The following GSTCD variants were observed in gnomAD, a reference collection of about 807,000 sequenced individuals.
The protein encoded by GSTCD is glutathione S-transferase C-terminal domain containing, also known as glutathione S-transferase C-terminal domain-containing protein.
Under a neutral mutation model 68.3 loss-of-function variants are expected in GSTCD, and 44 were observed. The ratio of observed to expected loss-of-function variants is 0.64; its 90% CI spans 0.51 to 0.83. GSTCD has a LOEUF of 0.83. Among genes scored for constraint, GSTCD ranks in the 40% least tolerant of loss-of-function variants. The pLI is 0.00. For synonymous variants in GSTCD, 273 were observed against 255.2 expected, an observed-to-expected ratio of 1.07 and a Z score of -0.67; for missense variants, 739 against 735.9, an observed-to-expected ratio of 1.00 and a Z score of -0.05.
chr4:105,788,158 T>C (rs969362828), intron 5 of GSTCD, among the ~76,000 whole-genome samples: 2 of 152,088 alleles, frequency 1.3e-5, no homozygotes, highest in Non-Finnish European at 2.9e-5. Flanking sequence ...ATTTTCCCTG[T>C]GGTTTCATAA....
intron 5 of GSTCD, among the ~76,000 whole-genome samples, chr4:105,783,720 A>G (rs1200128398): frequency 6.6e-6 from 1 of 152,196 alleles, no homozygotes; most frequent in Admixed American, 6.6e-5. Context: ...CAATGTTACT[A>G]TCTCCATAGC....
chr4:105,753,648 T>A (rs1024340155), intron 5 of GSTCD, among the ~76,000 whole-genome samples: 3 of 151,994 alleles, frequency 2.0e-5, no homozygotes, highest in Admixed American at 2.0e-4. Context: ...TATTATGCCA[T>A]TTGTATCAGG....
intron 8 of GSTCD, among the ~76,000 whole-genome samples, chr4:105,832,291 G>T (rs1440093950): frequency 6.6e-6 from 1 of 151,664 alleles, no homozygotes; most frequent in Non-Finnish European, 1.5e-5. Flanking sequence ...TTATTTGCCT[G>T]TTATTTCTGA....
chr4:105,757,080 G>A (rs1464843663), intron 5 of GSTCD, among the ~76,000 whole-genome samples: 2 of 152,102 alleles, frequency 1.3e-5, no homozygotes, highest in African/African-American at 4.8e-5. Context: ...AAATGTTTTG[G>A]AAGAGTAGTT....
At chr4:105,832,725 C>A (rs1000498871) in intron 8 of GSTCD, among the ~76,000 whole-genome samples, 1 of 152,170 alleles carries the variant, frequency 6.6e-6, no homozygotes, top group Non-Finnish European at 1.5e-5. Context: ...GTTCTGAGTG[C>A]CATCACCCAG....
At chr4:105,725,815 A>C (rs1733011324) in intron 3 of GSTCD, among the ~76,000 whole-genome samples, 1 of 152,136 alleles carries the variant, frequency 6.6e-6, no homozygotes, top group Non-Finnish European at 1.5e-5. Flanking sequence ...AGGGAAATGC[A>C]AATTAAAATT....
intron 5 of GSTCD, among the ~76,000 whole-genome samples, chr4:105,786,475 A>G (rs1430940606): frequency 6.6e-6 from 1 of 151,570 alleles, no homozygotes; most frequent in Admixed American, 6.6e-5. Context: ...ACTGCGCGCC[A>G]CTGCACTCTG....
At chr4:105,813,247 G>A (rs1722826404) in intron 5 of GSTCD, among the ~76,000 whole-genome samples, 1 of 152,104 alleles carries the variant, frequency 6.6e-6, no homozygotes, top group Non-Finnish European at 1.5e-5. Flanking sequence ...ATTCAGTAGT[G>A]CTAATACCAG....
In GSTCD at chr4:105,754,885, A is replaced by C. The variant is rs111310528; in HGVS notation, c.1240+25386A>C. ...TCAGCAAAACAAGAAAAGGAGAGAA[A>C]ACTTAGCTGTAAAAGGCAATATTAC... On this transcript the variant is annotated intron_variant, in intron 5 of 11. Transcript: ENST00000515279. Among the ~76,000 whole-genome samples, 111 of 151,888 alleles carry C rather than the reference A, an allele frequency of 7.3e-4. No homozygotes were observed. The Middle Eastern group carries it at 0.024, about 33-fold the overall frequency.
chr4:105,834,703 TC>T, intron 9 of GSTCD, 109 bp downstream of exon 9: 2 of 833,700 alleles, frequency 2.4e-6, no homozygotes, highest in Non-Finnish European at 3.7e-6. Context: ...ATTTCTTCTT[TC>T]CACAATGCCA....
chr4:105,813,535 T>C (rs1217529293), intron 5 of GSTCD, among the ~76,000 whole-genome samples: 2 of 152,180 alleles, frequency 1.3e-5, no homozygotes, highest in African/African-American at 2.4e-5. Context: ...CCCCAAGATA[T>C]CTCCTTATGT....
At chr4:105,754,147 C>G (rs977531260) in intron 5 of GSTCD, among the ~76,000 whole-genome samples, 18 of 152,052 alleles carry the variant, frequency 1.2e-4, no homozygotes, top group Admixed American at 2.0e-4. Context: ...CTATTTTATT[C>G]CATGCTTTGA....
At chr4:105,839,138 T>C (rs1724235980) in intron 10 of GSTCD, among the ~76,000 whole-genome samples, 1 of 152,194 alleles carries the variant, frequency 6.6e-6, no homozygotes, top group African/African-American at 2.4e-5. Flanking sequence ...TGCACAGATA[T>C]GGAAAGGGGA....
chr4:105,829,271 C>G (rs977020049), intron 8 of GSTCD, among the ~76,000 whole-genome samples: 3 of 151,396 alleles, frequency 2.0e-5, no homozygotes, highest in African/African-American at 7.3e-5. Context: ...GTTTTCAAAG[C>G]CTTACTCTTT....
intron 9 of GSTCD, among the ~76,000 whole-genome samples, chr4:105,835,807 A>G (rs1456191887): frequency 6.6e-6 from 1 of 152,148 alleles, no homozygotes; most frequent in Non-Finnish European, 1.5e-5. Context: ...GAGGATGAGC[A>G]AGGCAAAGAG....
intron 5 of GSTCD, among the ~76,000 whole-genome samples, chr4:105,784,449 G>A (rs1018132038): frequency 6.6e-6 from 1 of 152,094 alleles, no homozygotes; most frequent in Admixed American, 6.5e-5. Flanking sequence ...CATTCATGAG[G>A]GCAGAGCCCT....
chr4:105,832,133 G>T (rs1723921604), intron 8 of GSTCD, among the ~76,000 whole-genome samples: 2 of 152,170 alleles, frequency 1.3e-5, no homozygotes, highest in East Asian at 1.9e-4. Flanking sequence ...GAGAGGAAAA[G>T]ATCTAATTTT....
chr4:105,776,518 A>G (rs1025721691), intron 5 of GSTCD, among the ~76,000 whole-genome samples: 1 of 152,164 alleles, frequency 6.6e-6, no homozygotes, highest in Non-Finnish European at 1.5e-5. Flanking sequence ...ACCATGGGAA[A>G]AGCATAGTAT....
At chr4:105,765,406 C>A (rs950752577) in intron 5 of GSTCD, among the ~76,000 whole-genome samples, 1 of 152,168 alleles carries the variant, frequency 6.6e-6, no homozygotes, top group Non-Finnish European at 1.5e-5. Context: ...CTCTCAAGCA[C>A]TCAATGACTG....
Sources: allele counts gnomAD v4.1 joint callset (sites outside exome capture counted in the v4.1 genomes callset), GRCh38; gene constraint gnomAD v4.1.1; transcripts MANE v1.5; gene names NCBI Gene and HGNC (gene_info 2026-07-23, HGNC 2026-07-21).